Variants in NEBL observed in about 807,000 individuals in gnomAD.
NEBL encodes the protein nebulette.
Under a neutral mutation model 140.2 loss-of-function variants are expected in NEBL, and 122 were observed. The observed-to-expected ratio is 0.87, with a 90% CI of 0.75 to 1.01. The LOEUF (loss-of-function observed/expected upper bound fraction) is 1.01. NEBL is among the 50% of genes least tolerant of loss of function. NEBL has a pLI of 0.00. For synonymous variants in NEBL, 436 were observed against 398.9 expected (o/e 1.09, Z -1.11); for missense variants, 1,365 against 1,231.3 (o/e 1.11, Z -1.62).
chr10:21,120,405 T>TAC (rs1564518080), intron 2 of NEBL, among the ~76,000 whole-genome samples: 1 of 122,286 alleles, frequency 8.2e-6, no homozygotes, highest in African/African-American at 3.6e-5. Flanking sequence ...TATATATATA[T>TAC]ATATATATAT....
intron 4 of NEBL, among the ~76,000 whole-genome samples, chr10:20,932,596 T>A (rs997957337): frequency 2.9e-4 from 44 of 152,344 alleles, no homozygotes; most frequent in African/African-American, 7.9e-4. Flanking sequence ...AAAATTTTTT[T>A]AAAATTTTTA....
intron 3 of NEBL, among the ~76,000 whole-genome samples, chr10:20,984,137 G>T (rs554357454): frequency 1.7e-5 from 2 of 116,142 alleles, no homozygotes; most frequent in Admixed American, 8.2e-5. Context: ...AAAAAAAAAA[G>T]CTCCAAACTT....
At chr10:21,101,517 G>A (rs903844394) in intron 2 of NEBL, among the ~76,000 whole-genome samples, 1 of 152,166 alleles carries the variant, frequency 6.6e-6, no homozygotes, top group Non-Finnish European at 1.5e-5. Context: ...ACCTAGAGAC[G>A]GTGGGGAAAA....
intron 4 of NEBL, among the ~76,000 whole-genome samples, chr10:20,951,583 A>G (rs547927818): frequency 1.3e-5 from 2 of 152,290 alleles, no homozygotes; most frequent in African/African-American, 4.8e-5. Flanking sequence ...TCTCTATACA[A>G]TGTCTCCCTT....
intron 1 of NEBL, among the ~76,000 whole-genome samples, chr10:21,285,741 T>C (rs192234853): frequency 4.0e-4 from 61 of 152,338 alleles, no homozygotes; most frequent in Non-Finnish European, 7.8e-4. Context: ...CTAAAGTCGT[T>C]ATTACAATGA....
chr10:21,192,255 G>A (rs544998374), intron 3 of NEBL, among the ~76,000 whole-genome samples: 8 of 150,852 alleles, frequency 5.3e-5, no homozygotes, highest in East Asian at 4.0e-4. Flanking sequence ...GCAGTGGCAC[G>A]ATCTCGGCTT....
chr10:21,123,488 TTA>T (rs1246829059), intron 2 of NEBL, among the ~76,000 whole-genome samples: 1 of 152,160 alleles, frequency 6.6e-6, no homozygotes, highest in African/African-American at 2.4e-5. Context: ...ACTAAGTCTT[TTA>T]TGTCACGAGA....
chr10:21,244,340 A>AT (rs753062414), intron 3 of NEBL, among the ~76,000 whole-genome samples: 7,040 of 143,208 alleles, frequency 0.049, 504 homozygotes, highest in African/African-American at 0.16. Flanking sequence ...TAAATTTTGT[A>AT]TTTTTTTTTT....
chr10:21,072,414 G>A (rs563926746), intron 2 of NEBL, among the ~76,000 whole-genome samples: 26 of 152,326 alleles, frequency 1.7e-4, no homozygotes, highest in Non-Finnish European at 2.5e-4. Flanking sequence ...GAGGTTGTAG[G>A]TGGACATGTC....
chr10:21,235,227 T>C (rs1588546632), intron 3 of NEBL, among the ~76,000 whole-genome samples: 1 of 152,006 alleles, frequency 6.6e-6, no homozygotes, highest in African/African-American at 2.4e-5. Context: ...GTCCAGGAGG[T>C]TGCGGCTGCA....
At chr10:21,218,263 CCCCA>C (rs1842023642) in intron 3 of NEBL, 1 of 152,216 alleles carries the variant, frequency 6.6e-6, no homozygotes, top group African/African-American at 2.4e-5. Flanking sequence ...CACTCCCCAG[CCCCA>C]CCGTTACCAT....
intron 3 of NEBL, among the ~76,000 whole-genome samples, chr10:21,185,733 T>C (rs112230803): frequency 1.3e-5 from 2 of 152,016 alleles, no homozygotes; most frequent in Non-Finnish European, 2.9e-5. Context: ...CTGACCTCAG[T>C]TGATCCACCT....
chr10:21,289,626 C>T (rs138896967), intron 1 of NEBL, among the ~76,000 whole-genome samples: 1,586 of 152,222 alleles, frequency 0.01, 80 homozygotes, highest in Admixed American at 0.089. Context: ...GAGCACCCAG[C>T]GTGTGTTAAT....
intron 4 of NEBL, among the ~76,000 whole-genome samples, chr10:20,903,294 G>A (rs1163544708): frequency 1.3e-5 from 2 of 152,092 alleles, no homozygotes; most frequent in Middle Eastern, 3.2e-3. Context: ...TCAGATAAAT[G>A]CAAATTAAAA....
At chr10:21,232,372 G>A (rs911438310) in intron 3 of NEBL, among the ~76,000 whole-genome samples, 9 of 152,032 alleles carry the variant, frequency 5.9e-5, no homozygotes, top group East Asian at 1.9e-4. Context: ...AGGGTCGGTC[G>A]GGGGGTGGTT....
intron 9 of NEBL, among the ~76,000 whole-genome samples, chr10:20,853,235 C>A (rs868693212): frequency 3.3e-5 from 5 of 152,076 alleles, no homozygotes; most frequent in African/African-American, 9.7e-5. Flanking sequence ...AATCTGGGAA[C>A]AGTCAGTTGA....
chr10:21,272,118 ATTTT>A (rs10678454), intron 1 of NEBL, among the ~76,000 whole-genome samples: 1,926 of 79,014 alleles, frequency 0.024, 79 homozygotes, highest in African/African-American at 0.093. Flanking sequence ...CACTTGGTTA[ATTTT>A]TTTTTTTTTT....
chr10:20,852,185 G>C (rs1029090536), intron 10 of NEBL, among the ~76,000 whole-genome samples: 2 of 152,126 alleles, frequency 1.3e-5, no homozygotes, highest in African/African-American at 4.8e-5. Context: ...AATAAACCTT[G>C]CACCTGGAAA....
intron 2 of NEBL, among the ~76,000 whole-genome samples, chr10:21,122,678 T>A (rs958784171): frequency 1.3e-5 from 2 of 152,136 alleles, no homozygotes; most frequent in Non-Finnish European, 2.9e-5. Flanking sequence ...GGTTTGGAGA[T>A]CTGAAGTTTA....
Sources: allele counts gnomAD v4.1 joint callset (sites outside exome capture counted in the v4.1 genomes callset), GRCh38; gene constraint gnomAD v4.1.1; transcripts MANE v1.5; gene names NCBI Gene and HGNC (gene_info 2026-07-23, HGNC 2026-07-21).